The following SMARCAD1 variants were observed in gnomAD, a reference collection of about 807,000 sequenced individuals.
SMARCAD1 encodes SNF2 related chromatin remodeling ATPase with DExD box 1, also known as SWI/SNF-related matrix-associated actin-dependent regulator of chromatin subfamily A containing DEAD/H box 1.
Under a neutral mutation model 127.1 loss-of-function variants are expected in SMARCAD1, and 25 were observed. That is an observed-to-expected ratio of 0.20 (90% CI 0.14 to 0.27). The LOEUF (loss-of-function observed/expected upper bound fraction) is 0.27, where lower values mean the gene tolerates loss of function less well. Ranked by LOEUF, SMARCAD1 falls within the 10% of genes least tolerant of loss-of-function variation. The pLI, the probability that SMARCAD1 is intolerant of heterozygous loss-of-function variation, is 1.00. For synonymous variants in SMARCAD1, 400 were observed against 396.9 expected (o/e 1.01, Z -0.09); for missense variants, 807 against 1,206.0 (o/e 0.67, Z 4.90).
chr4:94,278,867 T>C, intron 18 of SMARCAD1, 62 bp from the exon 19 acceptor site: 1 of 1,607,122 alleles, frequency 6.2e-7, no homozygotes, highest in Non-Finnish European at 8.5e-7. Context: ...AAAACTTAGT[T>C]GATATATTTC....
intron 23 of SMARCAD1, among the ~76,000 whole-genome samples, chr4:94,288,105 C>T (rs568143763): frequency 6.6e-6 from 1 of 152,100 alleles, no homozygotes; most frequent in South Asian, 2.1e-4. Flanking sequence ...TCCCATTGAT[C>T]CATAATAAAG....
At chr4:94,245,557 A>T (rs918903647) in intron 6 of SMARCAD1, among the ~76,000 whole-genome samples, 4 of 152,244 alleles carry the variant, frequency 2.6e-5, no homozygotes, top group Non-Finnish European at 5.9e-5. Context: ...TAACACAAGG[A>T]CAGTGAGCTA....
At chr4:94,218,675 T>C (rs1326246514) in intron 2 of SMARCAD1, among the ~76,000 whole-genome samples, 3 of 152,208 alleles carry the variant, frequency 2.0e-5, no homozygotes, top group African/African-American at 7.2e-5. Flanking sequence ...TACTCTTTAA[T>C]CTTATATTTA....
At chr4:94,281,622 TAACTC>T (rs759736021) in intron 21 of SMARCAD1, 32 bp downstream of exon 21, 2 of 1,277,266 alleles carry the variant, frequency 1.6e-6, no homozygotes, top group East Asian at 4.6e-5. Context: ...TACAAAAAAA[TAACTC>T]ATTTATTATT....
At chr4:94,229,409 G>A (rs182320485) in intron 3 of SMARCAD1, among the ~76,000 whole-genome samples, 235 of 152,136 alleles carry the variant, frequency 1.5e-3, no homozygotes, top group African/African-American at 5.3e-3. Context: ...TTATAGATGT[G>A]TACTTATTCA....
chr4:94,217,500 G>C (rs567338748), intron 2 of SMARCAD1, among the ~76,000 whole-genome samples: 2 of 152,120 alleles, frequency 1.3e-5, no homozygotes, highest in Non-Finnish European at 1.5e-5. Context: ...TTTTTATGAG[G>C]TTTTGTCTCT....
At position 94,264,964 on chromosome 4, in the gene SMARCAD1, A is replaced by T. The variant is rs1251310501; in HGVS notation, c.1481+58A>T. The T allele has an allele frequency of 4.6e-6, 7 of 1,513,088 alleles. No individual in the cohort carries two copies. In the Admixed American group the frequency reaches 1.3e-4, roughly 27 times the overall value. The allele number at this position is 1,513,088 out of a possible 1,614,324, so 93.7% of individuals were successfully genotyped here. A position where few individuals can be genotyped will look rare whatever the true frequency, so the allele number is the denominator to read the frequency against. On this transcript the variant is annotated intron_variant, in intron 10 of 23. Coordinates refer to ENST00000354268, the MANE Select transcript of SMARCAD1 (RefSeq NM_020159.5). ...TATCTCAATTATACAAAATATCTGAATTTATTTCTGTATCGTGCCTAGAAA... is the reference window on the plus strand; with the variant it reads ...TATCTCAATTATACAAAATATCTGATTTTATTTCTGTATCGTGCCTAGAAA...
intron 4 of SMARCAD1, 68 bp from the exon 5 acceptor site, chr4:94,236,884 A>G: frequency 1.6e-6 from 2 of 1,224,470 alleles, no homozygotes; most frequent in Non-Finnish European, 2.4e-6. Flanking sequence ...TTGTTCTTAA[A>G]TATTTCAGTA....
chr4:94,251,775 T>A (rs1749307821), intron 8 of SMARCAD1, among the ~76,000 whole-genome samples: 1 of 152,218 alleles, frequency 6.6e-6, no homozygotes, highest in Non-Finnish European at 1.5e-5. Context: ...TTCACAGGCA[T>A]CTTAGAATTC....
intron 10 of SMARCAD1, among the ~76,000 whole-genome samples, chr4:94,266,938 A>C (rs777511972): frequency 6.6e-6 from 1 of 152,162 alleles, no homozygotes; most frequent in Non-Finnish European, 1.5e-5. Context: ...TCTTTATTTT[A>C]AAATGTCAAA....
At chr4:94,219,002 G>A (rs28379069) in intron 2 of SMARCAD1, among the ~76,000 whole-genome samples, 21,945 of 152,026 alleles carry the variant, frequency 0.14, 1,813 homozygotes, top group Non-Finnish European at 0.19. Flanking sequence ...AGTAGGGACA[G>A]GGTTTCACCA....
At chr4:94,241,205 C>T (rs1333547480) in intron 6 of SMARCAD1, among the ~76,000 whole-genome samples, 199 bp downstream of exon 6, 2 of 152,192 alleles carry the variant, frequency 1.3e-5, no homozygotes, top group Non-Finnish European at 2.9e-5. Flanking sequence ...TAAGCACAGA[C>T]TATTTTGTGT....
At chr4:94,247,284 C>T (rs945524336) in intron 6 of SMARCAD1, among the ~76,000 whole-genome samples, 10 of 152,056 alleles carry the variant, frequency 6.6e-5, no homozygotes, top group African/African-American at 2.4e-4. Context: ...AGCACTGGGT[C>T]GAATCATATC....
chr4:94,259,530 A>AG (rs1272592994), intron 9 of SMARCAD1, among the ~76,000 whole-genome samples: 9 of 152,140 alleles, frequency 5.9e-5, no homozygotes, highest in Non-Finnish European at 1.2e-4. Flanking sequence ...GGGAGTGTTA[A>AG]GGGGTCCTAA....
At chr4:94,270,929 C>A in intron 11 of SMARCAD1, 111 bp downstream of exon 11, 1 of 820,622 alleles carries the variant, frequency 1.2e-6, no homozygotes, top group Non-Finnish European at 2.1e-6. Flanking sequence ...ACTACTGCCA[C>A]CTCAGTACCT....
At chr4:94,256,724 A>C (rs2902980) in intron 9 of SMARCAD1, among the ~76,000 whole-genome samples, 5,023 of 152,274 alleles carry the variant, frequency 0.033, 378 homozygotes, top group East Asian at 0.21. Context: ...CACTTAAAGC[A>C]TGGTAATACA....
In SMARCAD1 at chr4:94,226,184, C is replaced by G. The variant is rs1744952449; in HGVS notation, c.256C>G (p.Gln86Glu). 17 of 1,611,880 alleles carry G rather than the reference C, an allele frequency of 1.1e-5. No individual in the cohort carries two copies. Among genetic ancestry groups the G allele is most frequent in the Non-Finnish European group, 1.3e-5 (15 of 1,178,372 alleles). ...RKASISYFKN[Q>E]RGIQYIDLSS... is the part of the protein sequence containing the mutation. Reference sequence around the variant, plus strand: ...AGCAAGTATATCATATTTCAAAAATCAAAGAGGAATACAGTATATTGATTT... The same window carrying G: ...AGCAAGTATATCATATTTCAAAAATGAAAGAGGAATACAGTATATTGATTT... Residue 86 changes from glutamine (Q) to glutamate (E), a missense_variant, in exon 3 of 24, where the codon CAA (glutamine) becomes GAA (glutamate). Transcript: ENST00000354268.
At chr4:94,207,822 G>C (rs1351167564), upstream of SMARCAD1, 2 of 307,988 alleles carry the variant, frequency 6.5e-6, no homozygotes, top group African/African-American at 2.2e-5. Context: ...ACCTTCCTGT[G>C]TGTTCTTAAT....
intron 22 of SMARCAD1, 147 bp downstream of exon 22, chr4:94,283,450 A>G: frequency 1.4e-6 from 1 of 715,900 alleles, no homozygotes; most frequent in Non-Finnish European, 2.5e-6. Context: ...AGCAGTGTTG[A>G]ACATCAACTG....
Sources: gnomAD v4.1 joint callset for allele counts (sites outside exome capture counted in the v4.1 genomes callset) on GRCh38, gnomAD v4.1.1 for gene constraint, MANE v1.5 for transcripts, NCBI Gene and HGNC (gene_info 2026-07-23, HGNC 2026-07-21) for gene names.